The following VTI1A variants were observed in gnomAD, a reference collection of about 807,000 sequenced individuals.
The protein encoded by VTI1A is vesicle transport through interaction with t-SNAREs 1A, also known as vesicle transport through interaction with t-SNAREs homolog 1A.
VTI1A carries 22 observed loss-of-function variants against 34.9 expected under a neutral mutation model. The ratio of observed to expected loss-of-function variants is 0.63; its 90% CI spans 0.45 to 0.90. The LOEUF is 0.90. VTI1A is among the 40% of genes least tolerant of loss of function. The pLI is 0.00. For synonymous variants in VTI1A, 87 were observed against 97.3 expected (o/e 0.89, Z 0.62); for missense variants, 268 against 275.6 (o/e 0.97, Z 0.20).
chr10:112,482,553 C>T (rs964815060), intron 3 of VTI1A, among the ~76,000 whole-genome samples: 2 of 152,030 alleles, frequency 1.3e-5, no homozygotes, highest in South Asian at 4.2e-4. Flanking sequence ...TAAAATATAC[C>T]ATATTTTGGC....
At chr10:112,772,080 G>T (rs1851828745) in intron 7 of VTI1A, among the ~76,000 whole-genome samples, 1 of 152,206 alleles carries the variant, frequency 6.6e-6, no homozygotes, top group Non-Finnish European at 1.5e-5. Flanking sequence ...GAGTGGATTG[G>T]CTAGATCAAA....
intron 7 of VTI1A, among the ~76,000 whole-genome samples, chr10:112,764,429 G>A (rs1296488492): frequency 4.6e-5 from 7 of 152,066 alleles, no homozygotes; most frequent in South Asian, 4.2e-4. Flanking sequence ...AAAGTGCTTC[G>A]CCTTCCTAGT....
intron 5 of VTI1A, among the ~76,000 whole-genome samples, chr10:112,657,635 A>G (rs911907495): frequency 6.6e-6 from 1 of 152,218 alleles, no homozygotes; most frequent in Non-Finnish European, 1.5e-5. Context: ...CCCAAGTCTA[A>G]GAACTAAAAC....
At chr10:112,845,741 G>T in the VTI1A span, among the ~76,000 whole-genome samples, 6 of 152,226 alleles carry the variant, frequency 3.9e-5, no homozygotes, top group Non-Finnish European at 8.8e-5. Flanking sequence ...TGGGGGGCCG[G>T]ACATGGTGGC....
chr10:112,593,837 C>T (rs553193206), intron 5 of VTI1A, among the ~76,000 whole-genome samples: 1 of 152,086 alleles, frequency 6.6e-6, no homozygotes, highest in African/African-American at 2.4e-5. Context: ...CCCGGGCTCA[C>T]GCCATTCTCC....
intron 5 of VTI1A, among the ~76,000 whole-genome samples, chr10:112,643,293 C>T (rs79177168): frequency 6.6e-6 from 1 of 151,360 alleles, no homozygotes; most frequent in African/African-American, 2.4e-5. Flanking sequence ...GCCACAGTGT[C>T]GGGCCTCTCT....
chr10:112,552,121 G>T (rs1030059832), intron 5 of VTI1A, among the ~76,000 whole-genome samples: 10 of 152,034 alleles, frequency 6.6e-5, no homozygotes, highest in African/African-American at 2.4e-4. Flanking sequence ...TAACACAGGC[G>T]ATAACATTGT....
intron 7 of VTI1A, among the ~76,000 whole-genome samples, chr10:112,682,923 C>G (rs1479688291): frequency 6.6e-6 from 1 of 152,154 alleles, no homozygotes; most frequent in Non-Finnish European, 1.5e-5. Context: ...GGAGGGGGTG[C>G]CATTCTTTCA....
At chr10:112,719,834 C>T (rs990191981) in intron 7 of VTI1A, among the ~76,000 whole-genome samples, 10 of 152,172 alleles carry the variant, frequency 6.6e-5, no homozygotes, top group Non-Finnish European at 1.2e-4. Flanking sequence ...GCGTGAGCCA[C>T]GACACCCAGC....
chr10:112,621,891 G>A (rs1845750999), intron 5 of VTI1A, among the ~76,000 whole-genome samples: 1 of 152,110 alleles, frequency 6.6e-6, no homozygotes, highest in South Asian at 2.1e-4. Flanking sequence ...TATATGCAAG[G>A]TACTCTTAGT....
intron 3 of VTI1A, among the ~76,000 whole-genome samples, chr10:112,500,006 G>A (rs980364172): frequency 6.6e-6 from 1 of 152,134 alleles, no homozygotes; most frequent in South Asian, 2.1e-4. Flanking sequence ...CCTGAAAAAC[G>A]TAAAGCTGAC....
At chr10:112,610,256 G>A (rs1388396195) in intron 5 of VTI1A, among the ~76,000 whole-genome samples, 1 of 151,744 alleles carries the variant, frequency 6.6e-6, no homozygotes, top group East Asian at 1.9e-4. Flanking sequence ...AACATGGGTG[G>A]CCCCAGGAGT....
intron 5 of VTI1A, among the ~76,000 whole-genome samples, chr10:112,549,629 T>C (rs1243825716): frequency 3.9e-5 from 6 of 152,206 alleles, no homozygotes; most frequent in Non-Finnish European, 7.3e-5. Flanking sequence ...ATTAAACTTT[T>C]TGACAGAGAA....
chr10:112,558,314 A>AT (rs201761258), intron 5 of VTI1A, among the ~76,000 whole-genome samples: 3 of 152,256 alleles, frequency 2.0e-5, no homozygotes, highest in Admixed American at 6.5e-5. Flanking sequence ...TCGTCCTTTA[A>AT]TTTTTTTAAA....
At chr10:112,694,937 C>G (rs1464635573) in intron 7 of VTI1A, among the ~76,000 whole-genome samples, 1 of 152,124 alleles carries the variant, frequency 6.6e-6, no homozygotes, top group Non-Finnish European at 1.5e-5. Flanking sequence ...CCACTTCACT[C>G]CAGCCCGGGT....
At chr10:112,756,343 A>G (rs1851282696) in intron 7 of VTI1A, among the ~76,000 whole-genome samples, 1 of 152,162 alleles carries the variant, frequency 6.6e-6, no homozygotes, top group Admixed American at 6.5e-5. Flanking sequence ...CGGGCTACCT[A>G]GTTGCCTCTC....
At chr10:112,663,955 A>G (rs1292750573) in intron 5 of VTI1A, among the ~76,000 whole-genome samples, 2 of 152,224 alleles carry the variant, frequency 1.3e-5, no homozygotes, top group Non-Finnish European at 2.9e-5. Flanking sequence ...CCTGCACTTC[A>G]CAAAAGTCCT....
intron 5 of VTI1A, among the ~76,000 whole-genome samples, chr10:112,592,692 T>C (rs536422332): frequency 3.3e-5 from 5 of 152,322 alleles, no homozygotes; most frequent in Admixed American, 6.5e-5. Flanking sequence ...GGAATATATG[T>C]CATCCTCAGA....
chr10:112,802,914 A>G (rs113191751), intron 7 of VTI1A, among the ~76,000 whole-genome samples: 31 of 152,316 alleles, frequency 2.0e-4, no homozygotes, highest in African/African-American at 6.5e-4. Context: ...TGGAAAGGGC[A>G]TATTCTCAGA....
Sources: allele counts gnomAD v4.1 joint callset (sites outside exome capture counted in the v4.1 genomes callset), GRCh38; gene constraint gnomAD v4.1.1; transcripts MANE v1.5; gene names NCBI Gene and HGNC (gene_info 2026-07-23, HGNC 2026-07-21).